B4GALNT3: variants seen among roughly 807,000 people sequenced by gnomAD.
B4GALNT3 encodes beta-1,4-N-acetylgalactosaminyltransferase 3.
B4GALNT3 carries 86 observed loss-of-function variants against 120.2 expected under a neutral mutation model. The observed-to-expected ratio is 0.72, with a 90% CI of 0.60 to 0.86. The LOEUF is 0.86. B4GALNT3 is among the 40% of genes least tolerant of loss of function. The probability of loss-of-function intolerance (pLI) is 0.00; values close to 1 mark genes in which losing one functional copy is unlikely to be tolerated. For synonymous variants in B4GALNT3, 518 were observed against 510.4 expected (o/e 1.01, Z -0.20); for missense variants, 1,167 against 1,298.9 (o/e 0.90, Z 1.56).
chr12:502,050 C>T (rs1946448878), intron 1 of B4GALNT3, among the ~76,000 whole-genome samples: 2 of 152,184 alleles, frequency 1.3e-5, no homozygotes, highest in African/African-American at 4.8e-5. Context: ...GGGATCTAGG[C>T]CTCTCCTAAG....
chr12:462,656 G>A (rs1461015844), intron 1 of B4GALNT3, among the ~76,000 whole-genome samples: 1 of 152,042 alleles, frequency 6.6e-6, no homozygotes, highest in Non-Finnish European at 1.5e-5. Context: ...ACACACTGAT[G>A]CACCTTGTTT....
chr12:474,822 G>A (rs1227652901), intron 1 of B4GALNT3, among the ~76,000 whole-genome samples: 1 of 151,944 alleles, frequency 6.6e-6, no homozygotes, highest in African/African-American at 2.4e-5. Context: ...GCTGGAAGTG[G>A]TGGCACTACT....
chr12:500,462 C>T (rs1041759179), intron 1 of B4GALNT3, among the ~76,000 whole-genome samples: 4 of 152,136 alleles, frequency 2.6e-5, no homozygotes, highest in Admixed American at 6.6e-5. Context: ...TTCTGCTGAG[C>T]CTAGTCCTGC....
Position 553,597 on chromosome 12 carries a change from G to T in B4GALNT3, c.1674G>T (p.Lys558Asn), listed in dbSNP as rs1156229515. 1.2e-6 allele frequency: 2 copies of T among 1,614,018 alleles called. No homozygotes were observed. Among genetic ancestry groups the T allele is most frequent in the South Asian group, 2.2e-5 (2 of 91,090 alleles). ...GGCCCGCTGGTGACAGCCCCAGGAA[G>T]ACTCAGTGGCTGAACCAGGTGGAGT... ...RPRPAGDSPR[K>N]TQWLNQVESY... is the part of the protein sequence containing the mutation. The change falls in exon 14 of 20, where the codon AAG becomes AAT. Residue 558 changes from lysine (K) to asparagine (N), a missense_variant. Lys to Asn is a moderately conservative substitution (Grantham distance 94, BLOSUM62 0). Around this residue, in one of 3 missense-constraint regions of B4GALNT3, gnomAD observed 983 missense variants for 1,102.5 expected, o/e 0.89. Transcript: ENST00000266383.
At chr12:478,808 A>G (rs540508992) in intron 1 of B4GALNT3, among the ~76,000 whole-genome samples, 2 of 152,360 alleles carry the variant, frequency 1.3e-5, no homozygotes, top group South Asian at 2.1e-4. Context: ...CTGTTTTTAC[A>G]TAGAACCTTT....
At chr12:483,243 C>T (rs1946258796) in intron 1 of B4GALNT3, among the ~76,000 whole-genome samples, 2 of 152,118 alleles carry the variant, frequency 1.3e-5, no homozygotes, top group South Asian at 2.1e-4. Context: ...CCTATATATT[C>T]CTTTAGATGC....
intron 1 of B4GALNT3, among the ~76,000 whole-genome samples, chr12:479,800 A>G (rs1946217908): frequency 6.7e-6 from 1 of 150,294 alleles, no homozygotes; most frequent in African/African-American, 2.5e-5. Flanking sequence ...TGGTCGGGTG[A>G]TTTCTCTCTC....
rs376110815 is a variant in B4GALNT3 at position 545,489 on chromosome 12, G to A, written c.639+20G>A. Reference sequence around the variant, plus strand: ...GGCAAGGTAAGGCCAGCTCAACCCCGGTCCCTCCCATCTGCTCCTGGAGCC... The same window carrying A: ...GGCAAGGTAAGGCCAGCTCAACCCCAGTCCCTCCCATCTGCTCCTGGAGCC... On this transcript the variant is annotated intron_variant, in intron 6 of 19. Coordinates refer to ENST00000266383, the MANE Select transcript of B4GALNT3 (RefSeq NM_173593.4). 1.1e-5 allele frequency: 18 copies of A among 1,575,246 alleles called. No individual in the cohort carries two copies. Among genetic ancestry groups the A allele is most frequent in the Middle Eastern group, 3.3e-4 (2 of 5,986 alleles).
intron 14 of B4GALNT3, among the ~76,000 whole-genome samples, chr12:555,947 C>A (rs1052782289): frequency 1.3e-4 from 20 of 151,636 alleles, no homozygotes; most frequent in African/African-American, 4.9e-4. Context: ...CCACACCTGG[C>A]TAATTTTTTA....
At position 544,349 on chromosome 12, in the gene B4GALNT3, G is replaced by A. The variant is rs141528374; in HGVS notation, c.362G>A (p.Arg121His). Residue 121 changes from arginine (R) to histidine (H), a missense_variant, in exon 4 of 20, where the codon CGT becomes CAT. Arg to His is a conservative substitution (Grantham distance 29). Transcript: ENST00000266383. Reference sequence around the variant, plus strand: ...GTCTCCGCCCTGCAGTTCCGGGGCCGTGCCAACCTGCATGTGTTTGAAGAC... The same window carrying A: ...GTCTCCGCCCTGCAGTTCCGGGGCCATGCCAACCTGCATGTGTTTGAAGAC... ...PVPWLSEFRG[R>H]ANLHVFEDWC... 4.0e-5 allele frequency: 64 copies of A among 1,613,304 alleles called. No individual in the cohort carries two copies. Among genetic ancestry groups the A allele is most frequent in the South Asian group, 8.8e-5 (8 of 91,082 alleles).
intron 1 of B4GALNT3, among the ~76,000 whole-genome samples, chr12:511,798 A>C: frequency 5.7e-5 from 2 of 34,786 alleles, no homozygotes; most frequent in African/African-American, 1.4e-4. Context: ...TCCACCTTCC[A>C]CCTTCTTCCA....
chr12:502,314 C>T (rs1946451751), intron 1 of B4GALNT3, among the ~76,000 whole-genome samples: 1 of 152,218 alleles, frequency 6.6e-6, no homozygotes, highest in Non-Finnish European at 1.5e-5. Context: ...ATCAGGTGCT[C>T]TGACTTGGAG....
rs762498456 is a variant in B4GALNT3, at chr12:553,543, C to T, written c.1620C>T (p.Asn540=). Residue 540 remains asparagine (N), a synonymous_variant, in exon 14 of 20, where the codon AAC becomes AAT. Transcript: ENST00000266383. ...GGCCTCCTGGGCACCCTGTGAAGAA[C>T]CTGCCTCAGATGAGGGGGCCCAGGC... is the stretch of plus-strand genomic sequence containing the variant. ...DKWPPGHPVK[N]LPQMRGPRPR... 1.9e-6 allele frequency: 3 copies of T among 1,613,858 alleles called. No homozygotes were observed. The highest frequency in any genetic ancestry group is 4.5e-5 in the East Asian group (2 of 44,896).
chr12:467,190 T>C (rs1946090072), intron 1 of B4GALNT3, among the ~76,000 whole-genome samples: 1 of 152,178 alleles, frequency 6.6e-6, no homozygotes, highest in African/African-American at 2.4e-5. Context: ...TTATGCAGCC[T>C]TGAACTCCTG....
Position 479,980 on chromosome 12 carries a change from C to T in B4GALNT3, c.169+19435C>T, listed in dbSNP as rs190324625. Among the ~76,000 whole-genome samples, 3 of 139,760 alleles carry T rather than the reference C, an allele frequency of 2.1e-5. No homozygotes were observed. In the East Asian group the frequency reaches 6.4e-4, roughly 30 times the overall value. 91.7% of individuals were successfully genotyped at this position (139,760 alleles called of 152,430 possible). On this transcript the variant is annotated intron_variant, in intron 1 of 19. Coordinates refer to ENST00000266383, the MANE Select transcript of B4GALNT3 (RefSeq NM_173593.4). Reference sequence around the variant, plus strand: ...CCAGGCTGGAGTGCAGTGGCGCCATCTCGGCTCACTGCAAGCTCCACCTCC... The same window carrying T: ...CCAGGCTGGAGTGCAGTGGCGCCATTTCGGCTCACTGCAAGCTCCACCTCC...
chr12:488,903 A>G (rs1210045703), intron 1 of B4GALNT3, among the ~76,000 whole-genome samples: 1 of 152,094 alleles, frequency 6.6e-6, no homozygotes, highest in Non-Finnish European at 1.5e-5. Context: ...GAAAAAAAAA[A>G]AAGTATAACT....
intron 1 of B4GALNT3, among the ~76,000 whole-genome samples, chr12:496,450 A>G (rs1413295238): frequency 6.6e-6 from 1 of 151,870 alleles, no homozygotes; most frequent in African/African-American, 2.4e-5. Flanking sequence ...AAATACAAAA[A>G]TTGTCCAGGC....
At chr12:554,620 C>T (rs1326599838) in intron 14 of B4GALNT3, among the ~76,000 whole-genome samples, 1 of 150,892 alleles carries the variant, frequency 6.6e-6, no homozygotes, top group Non-Finnish European at 1.5e-5. Flanking sequence ...GAAACCCCGT[C>T]TCTACTAAAA....
chr12:538,589 T>A (rs1946884858), intron 3 of B4GALNT3, among the ~76,000 whole-genome samples: 1 of 151,502 alleles, frequency 6.6e-6, no homozygotes, highest in South Asian at 2.1e-4. Flanking sequence ...AAAGAAATAT[T>A]GGCTATTTTA....
Sources: gnomAD v4.1 joint callset for allele counts (sites outside exome capture counted in the v4.1 genomes callset) on GRCh38, gnomAD v4.1.1 for gene constraint, gnomAD v4.1.1 regional missense constraint, MANE v1.5 for transcripts, NCBI Gene and HGNC (gene_info 2026-07-23, HGNC 2026-07-21) for gene names.